Variants in FAF1 observed in about 807,000 individuals in gnomAD.
FAF1 encodes Fas associated factor 1.
A neutral mutation model predicts 92.5 loss-of-function variants in FAF1; 25 were observed. The ratio of observed to expected loss-of-function variants is 0.27; its 90% confidence interval spans 0.20 to 0.38. FAF1 has a LOEUF of 0.38. Ranked by LOEUF, FAF1 falls within the 10% of genes least tolerant of loss-of-function variation. FAF1 has a pLI of 1.00. For missense variants in FAF1, 636 were observed against 793.3 expected (o/e 0.80, Z 2.38); for synonymous variants, 234 against 273.2 (o/e 0.86, Z 1.42).
Position 50,680,691 on chromosome 1 carries a change from AAAAG to A in FAF1, c.657+25091_657+25094del, listed in dbSNP as rs567760683. ...AGTGAAAACTCTGTCTCCAAAAAAA[AAAAG>A]AAAGAAAGAAAATCCATCACAGATT... is the stretch of plus-strand genomic sequence containing the variant. On this transcript the variant is annotated intron_variant, in intron 7 of 18. Transcript: ENST00000396153. 3.3e-3 allele frequency among the ~76,000 whole-genome samples: 507 copies of A among 152,190 alleles called. 6 individuals are homozygous for A. The highest frequency in any genetic ancestry group is 0.011 in the African/African-American group (463 of 41,546).
intron 17 of FAF1, among the ~76,000 whole-genome samples, chr1:50,481,616 A>G (rs966258441): frequency 3.3e-5 from 5 of 152,084 alleles, no homozygotes; most frequent in African/African-American, 1.2e-4. Flanking sequence ...CCAATGACAC[A>G]TTTTCCCATC....
chr1:50,531,852 A>G lies in FAF1; in HGVS notation c.1494+3517T>C, dbSNP rs1164377421. 2.6e-5 allele frequency among the ~76,000 whole-genome samples: 4 copies of G among 152,208 alleles called. No individual in the cohort carries two copies. In the East Asian group the frequency reaches 5.8e-4, roughly 22 times the overall value. On this transcript the variant is annotated intron_variant, in intron 15 of 18. Transcript: ENST00000396153. ...GGTTTATTTAACAAAAGTTTTAAACATAGGTATTTCCGGTTGTGCTATGGA... is the reference window on the plus strand; with the variant it reads ...GGTTTATTTAACAAAAGTTTTAAACGTAGGTATTTCCGGTTGTGCTATGGA...
At chr1:50,932,561 G>C (rs931055984) in intron 1 of FAF1, among the ~76,000 whole-genome samples, 1 of 152,244 alleles carries the variant, frequency 6.6e-6, no homozygotes. Flanking sequence ...CTGTGGCTTT[G>C]CAGGGTACAG....
At chr1:50,826,283 GC>G (rs1326572106) in intron 2 of FAF1, among the ~76,000 whole-genome samples, 5 of 152,176 alleles carry the variant, frequency 3.3e-5, no homozygotes, top group African/African-American at 1.2e-4. Flanking sequence ...GGGCACAGTG[GC>G]TCATGCCTGT....
intron 8 of FAF1, among the ~76,000 whole-genome samples, chr1:50,601,762 A>G (rs1363031800): frequency 2.0e-5 from 3 of 151,632 alleles, no homozygotes; most frequent in Admixed American, 6.6e-5. Context: ...ATACACATAT[A>G]TATTCATATG....
chr1:50,527,828 TCTCTCTCTCTCTCTCC>T (rs1484719486), intron 15 of FAF1, among the ~76,000 whole-genome samples: 1 of 121,716 alleles, frequency 8.2e-6, no homozygotes, highest in Non-Finnish European at 1.8e-5. Context: ...TCTCTCTCTC[TCTCTCTCTCTCTCTCC>T]CTCTCTCCCT....
In FAF1 at chr1:50,441,308, A is replaced by C. The variant is rs959231594; in HGVS notation, c.*132T>G. On this transcript the variant is annotated 3_prime_UTR_variant, in exon 19 of 19. Transcript: ENST00000396153. Reference sequence around the variant, plus strand: ...TATATTTATTATTACTTTTTCCAGCAATTTTGCAAGAGGCAGAAGTGTGAC... The same window carrying C: ...TATATTTATTATTACTTTTTCCAGCCATTTTGCAAGAGGCAGAAGTGTGAC... 4.9e-5 allele frequency: 26 copies of C among 531,596 alleles called. No homozygotes were observed. Among genetic ancestry groups the C allele is most frequent in the Non-Finnish European group, 7.5e-5 (22 of 294,608 alleles). The allele number at this position is 531,596 out of a possible 1,614,324, so 32.9% of individuals were successfully genotyped here.
intron 13 of FAF1, among the ~76,000 whole-genome samples, chr1:50,563,416 C>T (rs1172490534): frequency 6.6e-6 from 1 of 151,422 alleles, no homozygotes; most frequent in East Asian, 1.9e-4. Flanking sequence ...CATAACGAGA[C>T]CTTGTCTCTT....
rs1553132882 is a variant in FAF1, at chr1:50,729,034, CTA to C, written c.551+9827_551+9828del. 9.0e-4 allele frequency among the ~76,000 whole-genome samples: 79 copies of C among 88,068 alleles called. 1 individual carries two copies. The highest frequency in any genetic ancestry group is 2.3e-3 in the African/African-American group (46 of 20,402). The allele number at this position is 88,068 out of a possible 152,430, so 57.8% of individuals were successfully genotyped here. ...TCTATCTATCTATCTATCTATCTAT[CTA>C]TATATATATATATATATATATATTT... On this transcript the variant is annotated intron_variant, in intron 6 of 18. Coordinates refer to ENST00000396153, the MANE Select transcript of FAF1 (RefSeq NM_007051.3).
intron 1 of FAF1, among the ~76,000 whole-genome samples, chr1:50,916,585 T>C (rs1318634082): frequency 6.6e-6 from 1 of 152,186 alleles, no homozygotes; most frequent in South Asian, 2.1e-4. Context: ...ACAAAGATCT[T>C]CAAACTGTTC....
intron 4 of FAF1, among the ~76,000 whole-genome samples, chr1:50,782,237 C>T (rs1661204807): frequency 6.6e-6 from 1 of 151,680 alleles, no homozygotes; most frequent in Non-Finnish European, 1.5e-5. Flanking sequence ...AGGAAGTATT[C>T]TAAAGGTATC....
At chr1:50,904,754 T>G (rs866468184) in intron 1 of FAF1, among the ~76,000 whole-genome samples, 2 of 152,178 alleles carry the variant, frequency 1.3e-5, no homozygotes, top group Non-Finnish European at 2.9e-5. Flanking sequence ...CACTTTTCCG[T>G]ATTTTGAGCA....
intron 8 of FAF1, among the ~76,000 whole-genome samples, chr1:50,610,646 G>A (rs187515468): frequency 1.8e-4 from 28 of 152,112 alleles, no homozygotes; most frequent in South Asian, 1.5e-3. Flanking sequence ...ACAAAGTGTC[G>A]CTGAGATAAT....
chr1:50,749,902 C>G (rs1203685260), intron 4 of FAF1, among the ~76,000 whole-genome samples: 2 of 151,822 alleles, frequency 1.3e-5, no homozygotes, highest in African/African-American at 2.4e-5. Flanking sequence ...ACATAATTCA[C>G]GAAAAATGTT....
At chr1:50,830,870 T>C (rs1644146548) in intron 2 of FAF1, among the ~76,000 whole-genome samples, 1 of 152,140 alleles carries the variant, frequency 6.6e-6, no homozygotes, top group Admixed American at 6.6e-5. Context: ...CAACAGAATC[T>C]TTTTTGTAAC....
chr1:50,637,614 T>G (rs10888702), intron 8 of FAF1, among the ~76,000 whole-genome samples: 13,589 of 151,340 alleles, frequency 0.09, 796 homozygotes, highest in African/African-American at 0.17. Context: ...TGGGAGGAGG[T>G]ACTGCCTTAA....
chr1:50,642,044 A>C (rs954093603), intron 8 of FAF1, among the ~76,000 whole-genome samples: 1 of 151,972 alleles, frequency 6.6e-6, no homozygotes, highest in Non-Finnish European at 1.5e-5. Flanking sequence ...CTCTACTGAA[A>C]TACAAAAAAT....
Position 50,668,157 on chromosome 1 carries a change from G to A in FAF1, c.658-12629C>T, listed in dbSNP as rs144258697. On this transcript the variant is annotated intron_variant, in intron 7 of 18. Transcript: ENST00000396153. ...CCATGAATACTAAAGTGGCCTGGGGGTGTGGCTCATCAAGTGAAAATAAAC... is the reference window on the plus strand; with the variant it reads ...CCATGAATACTAAAGTGGCCTGGGGATGTGGCTCATCAAGTGAAAATAAAC... Among the ~76,000 whole-genome samples, 8 of 152,284 alleles carry A rather than the reference G, an allele frequency of 5.3e-5. No homozygotes were observed. In the East Asian group the frequency reaches 1.5e-3, roughly 29 times the overall value.
chr1:50,611,923 G>T (rs906233667), intron 8 of FAF1, among the ~76,000 whole-genome samples: 1 of 152,146 alleles, frequency 6.6e-6, no homozygotes, highest in Non-Finnish European at 1.5e-5. Context: ...AACAGAAAGT[G>T]TTAAACACAT....
Sources: allele counts gnomAD v4.1 joint callset (sites outside exome capture counted in the v4.1 genomes callset), GRCh38; gene constraint gnomAD v4.1.1; transcripts MANE v1.5; gene names NCBI Gene and HGNC (gene_info 2026-07-23, HGNC 2026-07-21).